Variants in STK3 observed in about 807,000 individuals in gnomAD.
STK3 encodes serine/threonine-protein kinase 3.
In STK3, 41 loss-of-function variants were observed where a neutral mutation model predicts 58.0. The observed-to-expected ratio is 0.71, with a 90% CI of 0.55 to 0.92. STK3 has a LOEUF of 0.92. Ranked by LOEUF, STK3 falls within the 40% of genes least tolerant of loss-of-function variation. The pLI is 0.00. For missense variants in STK3, 479 were observed against 602.7 expected (o/e 0.79, Z 2.15); for synonymous variants, 170 against 191.0 (o/e 0.89, Z 0.91).
chr8:98,452,629 C>T (rs970900258), downstream of STK3, among the ~76,000 whole-genome samples: 1 of 152,104 alleles, frequency 6.6e-6, no homozygotes, highest in Non-Finnish European at 1.5e-5. Context: ...CAGAAAAGTA[C>T]ACTTACCTAT....
At chr8:98,599,954 G>C (rs1816187540) in intron 6 of STK3, among the ~76,000 whole-genome samples, 1 of 151,888 alleles carries the variant, frequency 6.6e-6, no homozygotes, top group Non-Finnish European at 1.5e-5. Flanking sequence ...GGCAACAAGA[G>C]GGAAACTCCA....
intron 3 of STK3, among the ~76,000 whole-genome samples, chr8:98,843,588 ACCT>A (rs1836078283): frequency 6.6e-6 from 1 of 152,152 alleles, no homozygotes; most frequent in South Asian, 2.1e-4. Flanking sequence ...AGAAGGAGAA[ACCT>A]CCTCTTCCAG....
chr8:98,767,670 T>A (rs1437026418), intron 2 of STK3, among the ~76,000 whole-genome samples: 1 of 152,178 alleles, frequency 6.6e-6, no homozygotes, highest in African/African-American at 2.4e-5. Context: ...TAAGAAGATA[T>A]AAATGGAAAT....
At chr8:98,682,391 A>G (rs1823702985) in intron 6 of STK3, among the ~76,000 whole-genome samples, 1 of 152,204 alleles carries the variant, frequency 6.6e-6, no homozygotes, top group Non-Finnish European at 1.5e-5. Flanking sequence ...CTTTGATATC[A>G]TTCATTTGAT....
chr8:98,619,480 T>G (rs1235913135), intron 6 of STK3, among the ~76,000 whole-genome samples: 1 of 142,394 alleles, frequency 7.0e-6, no homozygotes, highest in Non-Finnish European at 1.5e-5. Flanking sequence ...CTAATTAAAC[T>G]AAAGAGCTTC....
intron 6 of STK3, among the ~76,000 whole-genome samples, chr8:98,609,007 T>C (rs758592291): frequency 5.3e-5 from 8 of 152,242 alleles, no homozygotes; most frequent in African/African-American, 9.6e-5. Flanking sequence ...TTTATTACAT[T>C]GGCAGATCGG....
At chr8:98,349,084 T>C in the STK3 span, among the ~76,000 whole-genome samples, 1 of 152,182 alleles carries the variant, frequency 6.6e-6, no homozygotes, top group Non-Finnish European at 1.5e-5. Context: ...TAAAGAGAAA[T>C]GAGCTATTAA....
chr8:98,616,510 G>A (rs1314846389), intron 6 of STK3, among the ~76,000 whole-genome samples: 1 of 145,244 alleles, frequency 6.9e-6, no homozygotes, highest in Non-Finnish European at 1.5e-5. Flanking sequence ...AAAAGACACA[G>A]ACTGGCAAGT....
At chr8:98,433,942 A>G (rs770923813) in intron 3 of STK3, among the ~76,000 whole-genome samples, 3 of 152,164 alleles carry the variant, frequency 2.0e-5, no homozygotes, top group Non-Finnish European at 4.4e-5. Flanking sequence ...CCTATTAACA[A>G]TCATTAGGCA....
chr8:98,764,086 T>C (rs773939661), intron 3 of STK3, among the ~76,000 whole-genome samples: 3 of 152,262 alleles, frequency 2.0e-5, no homozygotes, highest in Non-Finnish European at 4.4e-5. Context: ...CAGTAAAATC[T>C]TAAAAGGCAG....
chr8:98,459,655 C>A (rs1457199571), intron 10 of STK3, among the ~76,000 whole-genome samples: 1 of 152,224 alleles, frequency 6.6e-6, no homozygotes, highest in Non-Finnish European at 1.5e-5. Context: ...GGCCCAGGGG[C>A]CCTGCTACTC....
At chr8:98,893,038 G>A (rs562620777) in intron 1 of STK3, among the ~76,000 whole-genome samples, 1 of 152,226 alleles carries the variant, frequency 6.6e-6, no homozygotes, top group African/African-American at 2.4e-5. Context: ...GCACTGAGAA[G>A]GAAGGTAAGA....
At chr8:98,832,800 T>C (rs964807036) in intron 3 of STK3, among the ~76,000 whole-genome samples, 3 of 152,004 alleles carry the variant, frequency 2.0e-5, no homozygotes, top group Non-Finnish European at 4.4e-5. Context: ...ACTATCTCCC[T>C]CCCCTCAGAG....
chr8:98,909,378 A>G (rs1839046067), intron 1 of STK3, among the ~76,000 whole-genome samples: 1 of 152,236 alleles, frequency 6.6e-6, no homozygotes, highest in Non-Finnish European at 1.5e-5. Context: ...CGCAACTCAC[A>G]AACGTAAAGT....
intron 1 of STK3, among the ~76,000 whole-genome samples, chr8:98,808,943 C>T (rs1205035444): frequency 6.6e-6 from 1 of 152,156 alleles, no homozygotes; most frequent in African/African-American, 2.4e-5. Context: ...GGACTAGAGA[C>T]TGACCTAATC....
In STK3 at chr8:98,455,592, A is replaced by G. The variant is rs965061408; in HGVS notation, c.*250T>C. Reference sequence around the variant, plus strand: ...TGAAAATCCATTTCATAACAGTTTTATTACTGGTATGCAGCTGACAGAACA... The same window carrying G: ...TGAAAATCCATTTCATAACAGTTTTGTTACTGGTATGCAGCTGACAGAACA... On this transcript the variant is annotated 3_prime_UTR_variant, in exon 11 of 11. Coordinates refer to ENST00000419617, the MANE Select transcript of STK3 (RefSeq NM_006281.4). 1.4e-5 allele frequency: 7 copies of G among 492,994 alleles called. No individual in the cohort carries two copies. In the East Asian group the frequency reaches 1.8e-4, roughly 13 times the overall value. 30.5% of individuals were successfully genotyped at this position (492,994 alleles called of 1,614,324 possible). A position where few individuals can be genotyped will look rare whatever the true frequency, so the allele number is the denominator to read the frequency against.
intron 7 of STK3, chr8:98,595,050 G>A (rs528931391): frequency 7.2e-5 from 11 of 152,178 alleles, no homozygotes; most frequent in South Asian, 2.1e-4. Context: ...AATGTTCTAC[G>A]AATATTTTTA....
chr8:98,417,804 T>G (rs868803397), intron 3 of STK3, among the ~76,000 whole-genome samples: 1 of 152,236 alleles, frequency 6.6e-6, no homozygotes. Flanking sequence ...GCCAAGCACC[T>G]GCCTATCTCT....
intron 6 of STK3, among the ~76,000 whole-genome samples, chr8:98,615,011 CACAG>C (rs2130277716): frequency 6.6e-6 from 1 of 152,290 alleles, no homozygotes; most frequent in East Asian, 1.9e-4. Flanking sequence ...AGGGGCAGGG[CACAG>C]ACAAACAAAA....
Sources: gnomAD v4.1 joint callset for allele counts (sites outside exome capture counted in the v4.1 genomes callset) on GRCh38, gnomAD v4.1.1 for gene constraint, MANE v1.5 for transcripts, NCBI Gene and HGNC (gene_info 2026-07-23, HGNC 2026-07-21) for gene names.